The following MORC1 variants were observed in gnomAD, a reference collection of about 807,000 sequenced individuals.
The protein encoded by MORC1 is MORC family CW-type zinc finger 1.
MORC1 carries 59 observed loss-of-function variants against 134.9 expected under a neutral mutation model. The observed-to-expected ratio is 0.44, with a 90% CI of 0.35 to 0.54. MORC1 has a LOEUF of 0.54. MORC1 is among the 20% of genes least tolerant of loss of function. The probability of loss-of-function intolerance (pLI) is 0.00; values close to 1 mark genes in which losing one functional copy is unlikely to be tolerated. For missense variants in MORC1, 947 were observed against 1,134.5 expected (o/e 0.83, Z 2.37); for synonymous variants, 395 against 391.7 (o/e 1.01, Z -0.10).
intron 12 of MORC1, 88 bp downstream of exon 12, chr3:109,059,718 A>G: frequency 1.7e-6 from 2 of 1,150,814 alleles, no homozygotes; most frequent in African/African-American, 1.6e-5. Flanking sequence ...AATTGTCACA[A>G]TAACCACTAA....
intron 21 of MORC1, among the ~76,000 whole-genome samples, chr3:108,991,809 A>C (rs140670995): frequency 5.3e-5 from 8 of 152,258 alleles, no homozygotes; most frequent in Admixed American, 3.3e-4. Context: ...AATGCTCTTC[A>C]TTCTATTCAC....
chr3:109,113,629 T>C (rs544910994), intron 2 of MORC1, among the ~76,000 whole-genome samples: 1 of 150,938 alleles, frequency 6.6e-6, no homozygotes, highest in East Asian at 2.0e-4. Context: ...TTATGGGGAA[T>C]ACCAATATAA....
chr3:109,102,508 T>C (rs1402496635), intron 4 of MORC1, among the ~76,000 whole-genome samples: 1 of 152,146 alleles, frequency 6.6e-6, no homozygotes, highest in Non-Finnish European at 1.5e-5. Context: ...GAAAGTACTG[T>C]AGTCATTTTC....
intron 17 of MORC1, among the ~76,000 whole-genome samples, chr3:109,009,754 A>C (rs1034772082): frequency 6.6e-6 from 1 of 152,092 alleles, no homozygotes; most frequent in Non-Finnish European, 1.5e-5. Flanking sequence ...ATTTTATTAT[A>C]ATATATGTCT....
At chr3:109,049,193 G>C (rs1295846069) in intron 14 of MORC1, 3 of 980,962 alleles carry the variant, frequency 3.1e-6, no homozygotes, top group Non-Finnish European at 2.4e-6. Context: ...AGATCTTAGA[G>C]ACTAAATTGC....
At chr3:109,086,210 A>G (rs1351824407) in intron 8 of MORC1, among the ~76,000 whole-genome samples, 1 of 152,088 alleles carries the variant, frequency 6.6e-6, no homozygotes, top group Non-Finnish European at 1.5e-5. Flanking sequence ...CATCTGTGGT[A>G]CAATTCAAAA....
chr3:109,093,462 A>G lies in MORC1; in HGVS notation c.663T>C (p.Asp221=). The change falls in exon 8 of 28, where the codon GAT becomes GAC. Residue 221 remains aspartate, a synonymous_variant. Coordinates refer to ENST00000232603, the MANE Select transcript of MORC1 (RefSeq NM_014429.4). ...PELDVKTDKE[D]ILMAGALEDF... The stretch of plus-strand genomic sequence containing the variant: ...CCTCCAGAGCTCCAGCCATCAGTAT[A>G]TCTTCTTTGTCAGTTTTAACATCCA... 1 of 1,613,524 alleles carries G rather than the reference A, an allele frequency of 6.2e-7. No individual in the cohort carries two copies. The highest frequency in any genetic ancestry group is 1.1e-5 in the South Asian group (1 of 91,048).
chr3:108,994,061 A>C (rs1174377025), intron 21 of MORC1, among the ~76,000 whole-genome samples: 1 of 152,102 alleles, frequency 6.6e-6, no homozygotes, highest in Non-Finnish European at 1.5e-5. Context: ...CCTCTTTTGA[A>C]AGCTTCCCCA....
chr3:108,963,219 C>T lies in MORC1; in HGVS notation c.2799+195G>A, dbSNP rs1559856457. On this transcript the variant is annotated intron_variant, in intron 27 of 27. Coordinates refer to ENST00000232603, the MANE Select transcript of MORC1 (RefSeq NM_014429.4). ...AAAAAAAAAAAGATACGAAAGAACA[C>T]AGAGTTTCTAAATGTTCTAATATAT... Among the ~76,000 whole-genome samples, 3 of 151,450 alleles carry T rather than the reference C, an allele frequency of 2.0e-5. No individual in the cohort carries two copies. In the East Asian group the frequency reaches 5.8e-4, roughly 29 times the overall value.
intron 10 of MORC1, among the ~76,000 whole-genome samples, chr3:109,062,642 A>G (rs1471303822): frequency 2.0e-5 from 3 of 152,026 alleles, no homozygotes; most frequent in Non-Finnish European, 4.4e-5. Context: ...GGATGGTATC[A>G]ATCTCCTGAC....
intron 14 of MORC1, among the ~76,000 whole-genome samples, chr3:109,043,585 A>G (rs1949613195): frequency 1.3e-5 from 2 of 152,156 alleles, no homozygotes; most frequent in African/African-American, 4.8e-5. Context: ...GTATTTCATC[A>G]TAATGAAAAA....
At chr3:108,991,710 T>A (rs1948064641) in intron 21 of MORC1, among the ~76,000 whole-genome samples, 1 of 152,146 alleles carries the variant, frequency 6.6e-6, no homozygotes, top group Non-Finnish European at 1.5e-5. Flanking sequence ...TTCCAACTGA[T>A]CTCATGACAC....
intron 21 of MORC1, among the ~76,000 whole-genome samples, chr3:108,997,743 G>T (rs374090430): frequency 7.9e-5 from 12 of 152,022 alleles, no homozygotes; most frequent in African/African-American, 2.4e-4. Context: ...TATGAATCTG[G>T]AAAGTAACAA....
intron 12 of MORC1, among the ~76,000 whole-genome samples, chr3:109,059,510 T>C (rs1004858515): frequency 1.3e-5 from 2 of 152,172 alleles, no homozygotes; most frequent in African/African-American, 2.4e-5. Flanking sequence ...TCACTTTCAC[T>C]TCCTCATCCA....
chr3:109,030,427 C>G (rs1576652353), intron 16 of MORC1, among the ~76,000 whole-genome samples: 2 of 152,300 alleles, frequency 1.3e-5, no homozygotes, highest in African/African-American at 4.8e-5. Flanking sequence ...ATCATATCTA[C>G]ATCACTGTTA....
intron 8 of MORC1, among the ~76,000 whole-genome samples, chr3:109,084,083 C>T (rs1304144537): frequency 1.3e-5 from 2 of 152,058 alleles, no homozygotes; most frequent in African/African-American, 4.8e-5. Flanking sequence ...GAAAGCCTTT[C>T]CTCTAAGATC....
At chr3:109,051,625 A>G (rs1236497807) in intron 14 of MORC1, among the ~76,000 whole-genome samples, 2 of 152,198 alleles carry the variant, frequency 1.3e-5, no homozygotes, top group Non-Finnish European at 1.5e-5. Flanking sequence ...AGTATCCTCT[A>G]GCCCTCTATC....
chr3:109,047,799 G>T (rs1280176878), intron 14 of MORC1, among the ~76,000 whole-genome samples: 1 of 151,998 alleles, frequency 6.6e-6, no homozygotes, highest in Non-Finnish European at 1.5e-5. Flanking sequence ...TACCAACAAG[G>T]GTAACCAAGT....
intron 17 of MORC1, among the ~76,000 whole-genome samples, chr3:109,024,072 C>CA (rs2107587878): frequency 6.6e-6 from 1 of 152,264 alleles, no homozygotes; most frequent in African/African-American, 2.4e-5. Context: ...TAAAATGCAC[C>CA]ACAGGTGACA....
Sources: gnomAD v4.1 joint callset for allele counts (sites outside exome capture counted in the v4.1 genomes callset) on GRCh38, gnomAD v4.1.1 for gene constraint, MANE v1.5 for transcripts, NCBI Gene and HGNC (gene_info 2026-07-23, HGNC 2026-07-21) for gene names.